Variants in TNC observed in about 807,000 individuals in gnomAD.
The protein encoded by TNC is tenascin.
A neutral mutation model predicts 202.4 loss-of-function variants in TNC; 109 were observed. That is an observed-to-expected ratio of 0.54 (90% CI 0.46 to 0.63). The LOEUF (loss-of-function observed/expected upper bound fraction) is 0.63, where lower values mean the gene tolerates loss of function less well. TNC is among the 30% of genes least tolerant of loss of function. The probability of loss-of-function intolerance (pLI) is 0.00; values close to 1 mark genes in which losing one functional copy is unlikely to be tolerated. For synonymous variants in TNC, 1,007 were observed against 1,089.7 expected (o/e 0.92, Z 1.50); for missense variants, 2,756 against 2,833.3 (o/e 0.97, Z 0.62).
chr9:115,087,930 C>T (rs1234754962), intron 2 of TNC, among the ~76,000 whole-genome samples: 3 of 152,006 alleles, frequency 2.0e-5, no homozygotes, highest in Non-Finnish European at 4.4e-5. Flanking sequence ...GTCTCAATAT[C>T]CTGACCTCGT....
intron 1 of TNC, among the ~76,000 whole-genome samples, chr9:115,110,298 T>C (rs1050756279): frequency 1.3e-5 from 2 of 152,200 alleles, no homozygotes; most frequent in African/African-American, 4.8e-5. Flanking sequence ...AGCAAGATCA[T>C]GGAGAATCTT....
intron 13 of TNC, among the ~76,000 whole-genome samples, chr9:115,061,755 C>T (rs1488144444): frequency 2.6e-5 from 4 of 152,142 alleles, no homozygotes; most frequent in Non-Finnish European, 4.4e-5. Context: ...AAAAGTTGGC[C>T]CTTTTTCCCA....
chr9:115,062,898 T>G lies in TNC; in HGVS notation c.4033+19A>C, dbSNP rs750090614. The G allele has an allele frequency of 6.2e-7, 1 of 1,601,948 alleles. No homozygotes were observed. Among genetic ancestry groups the G allele is most frequent in the Admixed American group, 1.7e-5 (1 of 59,764 alleles). The stretch of plus-strand genomic sequence containing the variant: ...GCTGGCTCCTATCATGTCTCCAGTC[T>G]GGGAGGAGGGTCATATACCTGTGAC... On this transcript the variant is annotated intron_variant, in intron 13 of 27. Coordinates refer to ENST00000350763, the MANE Select transcript of TNC (RefSeq NM_002160.4).
intron 6 of TNC, among the ~76,000 whole-genome samples, chr9:115,079,625 T>C (rs1246490691): frequency 1.3e-5 from 2 of 152,180 alleles, no homozygotes; most frequent in African/African-American, 4.8e-5. Flanking sequence ...GGTGCAAAGA[T>C]GGTGCTTTGT....
At position 115,048,282 on chromosome 9, in the gene TNC, G is replaced by T. The variant is rs1831361422; in HGVS notation, c.4830C>A (p.Pro1610=). ...SGFTQGHQTK[P]LRAEIVTEAE... ...TACCTGTAACAATCTCAGCCCTCAA[G>T]GGCTTGGTTTGATGCCCTTGGGTGA... Residue 1610 remains proline (P), a synonymous_variant, in exon 16 of 28, where the codon CCC becomes CCA. Coordinates refer to ENST00000350763, the MANE Select transcript of TNC (RefSeq NM_002160.4). 1 of 1,613,944 alleles carries T rather than the reference G, an allele frequency of 6.2e-7. No homozygotes were observed. The highest frequency in any genetic ancestry group is 8.5e-7 in the Non-Finnish European group (1 of 1,179,888).
chr9:115,026,306 T>C (rs1307010448), intron 26 of TNC, among the ~76,000 whole-genome samples: 1 of 152,206 alleles, frequency 6.6e-6, no homozygotes, highest in Non-Finnish European at 1.5e-5. Flanking sequence ...TAGAAATCAA[T>C]CCTGATTGCC....
In TNC at chr9:115,042,344, G is replaced by T; in HGVS notation, c.5126-3C>A. 6.2e-7 allele frequency: 1 copy of T among 1,613,782 alleles called. No individual in the cohort carries two copies. On this transcript the variant is annotated splice_region_variant and splice_polypyrimidine_tract_variant and intron_variant, in intron 17 of 27. Transcript: ENST00000350763. ...GACTTCCTTTGGGGAGCCCATGGCT[G>T]TCAAGAAGAAAGCACAAGAGAAGCC... is the stretch of plus-strand genomic sequence containing the variant.
chr9:115,095,512 ATG>A (rs1313029016), intron 1 of TNC, among the ~76,000 whole-genome samples: 1 of 7,694 alleles, frequency 1.3e-4, no homozygotes, highest in African/African-American at 2.8e-4. Context: ...GTATATATAT[ATG>A]TATATATATG....
At chr9:115,037,307 A>T (rs1189420411) in intron 20 of TNC, among the ~76,000 whole-genome samples, 4 of 152,162 alleles carry the variant, frequency 2.6e-5, no homozygotes, top group African/African-American at 4.8e-5. Context: ...ATACCTGGAA[A>T]TTGAAATTAC....
intron 7 of TNC, among the ~76,000 whole-genome samples, chr9:115,077,482 G>T (rs1262054): frequency 0.095 from 14,459 of 152,276 alleles, 841 homozygotes; most frequent in Middle Eastern, 0.21. Flanking sequence ...GAGCCACCAC[G>T]CCCGGCCTCC....
intron 1 of TNC, among the ~76,000 whole-genome samples, chr9:115,095,469 T>C (rs1169830980): frequency 0.022 from 1,145 of 52,220 alleles, 59 homozygotes; most frequent in Middle Eastern, 0.075. Flanking sequence ...TATATATATA[T>C]GTATATATAT....
chr9:115,028,998 C>T (rs80032912), intron 25 of TNC, among the ~76,000 whole-genome samples: 3 of 109,058 alleles, frequency 2.8e-5, no homozygotes, highest in Non-Finnish European at 3.7e-5. Context: ...CTGTGGCTTT[C>T]CCCCTTTAAA....
intron 1 of TNC, among the ~76,000 whole-genome samples, chr9:115,103,413 A>G (rs1217834950): frequency 1.3e-5 from 2 of 152,088 alleles, no homozygotes; most frequent in Non-Finnish European, 2.9e-5. Flanking sequence ...CTCATTTTAA[A>G]TTTTTACCTT....
intron 18 of TNC, among the ~76,000 whole-genome samples, chr9:115,041,325 G>T (rs1734711587): frequency 1.4e-5 from 2 of 143,006 alleles, no homozygotes; most frequent in South Asian, 2.2e-4. Flanking sequence ...AAAACATGAA[G>T]TCACAACGTA....
intron 18 of TNC, 99 bp downstream of exon 18, chr9:115,042,120 G>A: frequency 6.8e-7 from 1 of 1,473,950 alleles, no homozygotes; most frequent in Non-Finnish European, 9.1e-7. Context: ...CATTTTCTTT[G>A]ATCATGATGT....
chr9:115,040,984 C>A lies in TNC; in HGVS notation c.5349G>T (p.Lys1783Asn). ...AGACAGGTTCACTTTCCTCAAAGCC[C>A]TTCATGGCGATGATGCTGACAAGGT... ...VEYLVSIIAM[K>N]GFEESEPVSG... is the part of the protein sequence containing the mutation. Residue 1783 changes from lysine (K) to asparagine (N), a missense_variant, in exon 19 of 28, where the codon AAG becomes AAT. Physicochemically the swap from Lys to Asn is moderately conservative, Grantham distance 94. Around this residue, in one of 2 missense-constraint regions of TNC, gnomAD observed 2,559 missense variants for 2,546.0 expected, o/e 1.01. Coordinates refer to ENST00000350763, the MANE Select transcript of TNC (RefSeq NM_002160.4). The A allele has an allele frequency of 1.9e-6, 3 of 1,614,074 alleles. No homozygotes were observed. Among genetic ancestry groups the A allele is most frequent in the Non-Finnish European group, 2.5e-6 (3 of 1,180,010 alleles).
chr9:115,064,808 T>C lies in TNC; in HGVS notation c.3326A>G (p.Gln1109Arg), dbSNP rs771154857. 3.1e-6 allele frequency: 5 copies of C among 1,614,154 alleles called. No homozygotes were observed. Among genetic ancestry groups the C allele is most frequent in the South Asian group, 2.2e-5 (2 of 91,074 alleles). The change falls in exon 11 of 28, where the codon CAG becomes CGG. Residue 1109 changes from glutamine to arginine, a missense_variant. Gln to Arg is a conservative substitution (Grantham distance 43). Transcript: ENST00000350763. ...QAYEHFIIQV[Q>R]EANKVEAARN... ...AGCTGCCTCCACCTTGTTGGCCTCCTGCACCTGAATGATAAAGTGCTCATA... is the reference window on the plus strand; with the variant it reads ...AGCTGCCTCCACCTTGTTGGCCTCCCGCACCTGAATGATAAAGTGCTCATA...
chr9:115,086,634 C>A lies in TNC; in HGVS notation c.1097G>T (p.Gly366Val), dbSNP rs762128715. Residue 366 changes from glycine to valine, a missense_variant, in exon 3 of 28, where the codon GGC (glycine) becomes GTC (valine). Gly to Val is a moderately radical substitution (Grantham distance 109). Coordinates refer to ENST00000350763, the MANE Select transcript of TNC (RefSeq NM_002160.4). ...CTCGCTGCAGTCCACACCGGCAAAG[C>A]CCTCATCACATACACACTGCCCCTC... ...CEEGQCVCDE[G>V]FAGVDCSEKR... 1 of 1,614,190 alleles carries A rather than the reference C, an allele frequency of 6.2e-7. No homozygotes were observed. The highest frequency in any genetic ancestry group is 1.1e-5 in the South Asian group (1 of 91,086).
chr9:115,078,079 A>G lies in TNC; in HGVS notation c.2538T>C (p.Arg846=), dbSNP rs375712658. ...CGTCCTCTGTGAGATCGATGGTGGT[A>G]CGGTCTCCTGGCACGTCTTTGATGC... ...TYGIKDVPGD[R]TTIDLTEDEN... The change falls in exon 7 of 28, where the codon CGT becomes CGC. Residue 846 remains arginine, a synonymous_variant. Coordinates refer to ENST00000350763, the MANE Select transcript of TNC (RefSeq NM_002160.4). 1.2e-6 allele frequency: 2 copies of G among 1,613,984 alleles called. No individual in the cohort carries two copies. The highest frequency in any genetic ancestry group is 2.7e-5 in the African/African-American group (2 of 74,900).
Sources: gnomAD v4.1 joint callset for allele counts (sites outside exome capture counted in the v4.1 genomes callset) on GRCh38, gnomAD v4.1.1 for gene constraint, gnomAD v4.1.1 regional missense constraint, MANE v1.5 for transcripts, NCBI Gene and HGNC (gene_info 2026-07-23, HGNC 2026-07-21) for gene names.